GALNT2: variants seen among roughly 807,000 people sequenced by gnomAD.
The protein encoded by GALNT2 is polypeptide N-acetylgalactosaminyltransferase 2, also known as UDP-GalNAc:polypeptide N-acetylgalactosaminyltransferase 2.
A neutral mutation model predicts 81.4 loss-of-function variants in GALNT2; 31 were observed. That is an observed-to-expected ratio of 0.38 (90% confidence interval 0.29 to 0.51). The LOEUF (loss-of-function observed/expected upper bound fraction) is 0.51, where lower values mean the gene tolerates loss of function less well. Among genes scored for constraint, GALNT2 ranks in the 20% least tolerant of loss-of-function variants. The pLI is 0.87. For missense variants in GALNT2, 629 were observed against 765.7 expected (o/e 0.82, Z 2.11); for synonymous variants, 303 against 287.4 (o/e 1.05, Z -0.55).
rs3748008 is a variant in GALNT2 at position 230,249,306 on chromosome 1, G to T, written c.905+35G>T. The T allele has an allele frequency of 5.4e-3, 8,533 of 1,589,218 alleles. 357 individuals are homozygous for T. In the East Asian group the frequency reaches 0.084, roughly 16 times the overall value. ...AGCATCCTTCAGGGTGCCCCTCCCA[G>T]ATGAGACCCCAGGTTCCAGCTTCTT... is the stretch of plus-strand genomic sequence containing the variant. On this transcript the variant is annotated intron_variant, in intron 9 of 15. Coordinates refer to ENST00000366672, the MANE Select transcript of GALNT2 (RefSeq NM_004481.5).
At chr1:230,228,489 A>G (rs1406285310) in intron 3 of GALNT2, among the ~76,000 whole-genome samples, 1 of 152,146 alleles carries the variant, frequency 6.6e-6, no homozygotes, top group Non-Finnish European at 1.5e-5. Flanking sequence ...GCGTGACAGC[A>G]GTGGCGTTAC....
At chr1:230,167,694 G>A (rs992497338) in intron 1 of GALNT2, among the ~76,000 whole-genome samples, 1 of 152,204 alleles carries the variant, frequency 6.6e-6, no homozygotes, top group East Asian at 1.9e-4. Flanking sequence ...GAGGAGCGCC[G>A]TGGTGATGGG....
intron 1 of GALNT2, among the ~76,000 whole-genome samples, chr1:230,126,099 C>A (rs141138792): frequency 1.3e-5 from 2 of 152,212 alleles, no homozygotes; most frequent in Non-Finnish European, 2.9e-5. Flanking sequence ...GGAACAGAAA[C>A]CCTGAGCCAC....
At chr1:230,111,281 A>G (rs903058856) in intron 1 of GALNT2, among the ~76,000 whole-genome samples, 3 of 152,202 alleles carry the variant, frequency 2.0e-5, no homozygotes, top group Admixed American at 1.3e-4. Flanking sequence ...TGCAATGTGT[A>G]CTTACATGCA....
chr1:230,067,147 C>A (rs1659212308), upstream of GALNT2: 2 of 329,046 alleles, frequency 6.1e-6, no homozygotes, highest in Non-Finnish European at 9.4e-6. Context: ...CGAGCAGTAG[C>A]ACCGCGCGGG....
At chr1:230,150,738 C>G (rs1008005224) in intron 1 of GALNT2, among the ~76,000 whole-genome samples, 1 of 152,216 alleles carries the variant, frequency 6.6e-6, no homozygotes. Context: ...TCTCCTTGGC[C>G]TTCTAGGATG....
intron 2 of GALNT2, among the ~76,000 whole-genome samples, chr1:230,184,468 C>T (rs1394669466): frequency 1.6e-4 from 24 of 151,912 alleles, no homozygotes; most frequent in East Asian, 3.9e-4. Flanking sequence ...GGATTACAGG[C>T]GTGAGCCACC....
chr1:230,216,314 C>T (rs768130785), intron 3 of GALNT2, among the ~76,000 whole-genome samples: 3 of 152,254 alleles, frequency 2.0e-5, no homozygotes, highest in South Asian at 2.1e-4. Flanking sequence ...ATTTAGGCTA[C>T]GTATTTCACT....
chr1:230,169,335 T>G (rs929890752), intron 1 of GALNT2, among the ~76,000 whole-genome samples: 1 of 152,204 alleles, frequency 6.6e-6, no homozygotes, highest in Non-Finnish European at 1.5e-5. Flanking sequence ...TACATTTTCA[T>G]GTTATATCTT....
rs1665280408 is a variant in GALNT2, at chr1:230,243,750, A to G, written c.729+323A>G. On this transcript the variant is annotated intron_variant, in intron 7 of 15. Coordinates refer to ENST00000366672, the MANE Select transcript of GALNT2 (RefSeq NM_004481.5). This position sits in a 1 kb window ranked among gnomAD's most constrained non-coding sequence, Gnocchi z 4.2. ...GGGAGCAGTTTCCTTCCCCGCCTAC[A>G]GCTTCGCAGAGTGCTTAGAACATTG... Among the ~76,000 whole-genome samples, 1 of 152,198 alleles carries G rather than the reference A, an allele frequency of 6.6e-6. No individual in the cohort carries two copies. Among genetic ancestry groups the G allele is most frequent in the Non-Finnish European group, 1.5e-5 (1 of 68,032 alleles).
chr1:230,131,342 C>T (rs1661361585), intron 1 of GALNT2, among the ~76,000 whole-genome samples: 1 of 152,180 alleles, frequency 6.6e-6, no homozygotes, highest in Admixed American at 6.5e-5. Context: ...TTCTGCTGAT[C>T]CCAAATTCCT....
At chr1:230,242,451 T>C (rs1465632975) in intron 6 of GALNT2, among the ~76,000 whole-genome samples, 1 of 152,188 alleles carries the variant, frequency 6.6e-6, no homozygotes, top group Non-Finnish European at 1.5e-5. Context: ...TGCATCATCT[T>C]CACATAGAAA....
chr1:230,171,340 A>ATCT (rs1662785140), intron 1 of GALNT2, among the ~76,000 whole-genome samples: 1 of 152,252 alleles, frequency 6.6e-6, no homozygotes, highest in Non-Finnish European at 1.5e-5. Flanking sequence ...TGGGCTGTGA[A>ATCT]ATATAAATTA....
intron 5 of GALNT2, 65 bp from the exon 6 acceptor site, chr1:230,236,595 T>G: frequency 6.6e-7 from 1 of 1,514,262 alleles, no homozygotes; most frequent in Non-Finnish European, 9.1e-7. Flanking sequence ...GAGAATACTA[T>G]GGTTGAATGC....
At chr1:230,268,941 G>C (rs1666102180) in intron 14 of GALNT2, among the ~76,000 whole-genome samples, 2 of 152,190 alleles carry the variant, frequency 1.3e-5, no homozygotes, top group South Asian at 4.1e-4. Context: ...TCAGCAAAGG[G>C]CTGTGCCAAG....
At chr1:230,082,911 A>AGGGAGCTGGGATGATGGAGCC (rs1430871581) in intron 1 of GALNT2, among the ~76,000 whole-genome samples, 7 of 150,642 alleles carry the variant, frequency 4.6e-5, no homozygotes, top group South Asian at 2.1e-4. Flanking sequence ...GATGATGGAC[A>AGGGAGCTGGGATGATGGAGCC]GGGAGCTGGG....
chr1:230,247,324 G>T (rs1234262334), intron 8 of GALNT2, among the ~76,000 whole-genome samples: 1 of 152,162 alleles, frequency 6.6e-6, no homozygotes, highest in Non-Finnish European at 1.5e-5. Flanking sequence ...GTGGGCTTTG[G>T]CCCCACCTGC....
At chr1:230,152,514 C>T (rs146108484) in intron 1 of GALNT2, among the ~76,000 whole-genome samples, 154 of 152,146 alleles carry the variant, frequency 1.0e-3, no homozygotes, top group African/African-American at 3.4e-3. Context: ...TTTATGACAC[C>T]GTATGTGGAT....
At chr1:230,168,605 C>T (rs931048973) in intron 1 of GALNT2, among the ~76,000 whole-genome samples, 6 of 152,222 alleles carry the variant, frequency 3.9e-5, no homozygotes, top group African/African-American at 1.4e-4. Context: ...ACATGATTGA[C>T]GGATGTTGGC....
Sources: allele counts gnomAD v4.1 joint callset (sites outside exome capture counted in the v4.1 genomes callset), GRCh38; gene constraint gnomAD v4.1.1; non-coding constraint Gnocchi (gnomAD v3.1); transcripts MANE v1.5; gene names NCBI Gene and HGNC (gene_info 2026-07-23, HGNC 2026-07-21).